The following DYM variants were observed in gnomAD, a reference collection of about 807,000 sequenced individuals.
The protein encoded by DYM is dymeclin, also known as dyggve-Melchior-Clausen syndrome protein.
DYM carries 78 observed loss-of-function variants against 93.1 expected under a neutral mutation model. That is an observed-to-expected ratio of 0.84 (90% CI 0.70 to 1.01). The LOEUF is 1.01. Among genes scored for constraint, DYM ranks in the 50% least tolerant of loss-of-function variants. The probability of loss-of-function intolerance (pLI) is 0.00; values close to 1 mark genes in which losing one functional copy is unlikely to be tolerated. For synonymous variants in DYM, 321 were observed against 319.7 expected (o/e 1.00, Z -0.04); for missense variants, 789 against 845.0 (o/e 0.93, Z 0.82).
intron 15 of DYM, among the ~76,000 whole-genome samples, chr18:49,154,212 A>T (rs2086132152): frequency 6.6e-6 from 1 of 152,284 alleles, no homozygotes; most frequent in East Asian, 1.9e-4. Context: ...GAAATTTAAT[A>T]TGGGATCCTG....
rs569231694 is a variant in DYM, at chr18:49,040,654, C to T, written c.*3401G>A. On this transcript the variant is annotated 3_prime_UTR_variant, in exon 18 of 18. Transcript: ENST00000675505. ...AGTCCCTAAAATCAAGTGGCAACTA[C>T]TGATATTGCAGGATAGTGCCTAGGA... Among the ~76,000 whole-genome samples the T allele has an allele frequency of 2.6e-5, 4 of 152,254 alleles. No individual in the cohort carries two copies. The highest frequency in any genetic ancestry group is 9.6e-5 in the African/African-American group (4 of 41,552).
chr18:49,216,650 G>C (rs2093064744), intron 13 of DYM, among the ~76,000 whole-genome samples: 1 of 152,168 alleles, frequency 6.6e-6, no homozygotes, highest in African/African-American at 2.4e-5. Context: ...ACAGGGTCTG[G>C]AGTGGACCTC....
chr18:49,183,137 T>A (rs1433462620), intron 14 of DYM, among the ~76,000 whole-genome samples: 4 of 152,244 alleles, frequency 2.6e-5, no homozygotes, highest in African/African-American at 9.6e-5. Context: ...TGTGATTTTT[T>A]AAATACAACA....
chr18:49,426,340 G>C (rs2074282772), intron 2 of DYM, among the ~76,000 whole-genome samples: 1 of 138,798 alleles, frequency 7.2e-6, no homozygotes, highest in Non-Finnish European at 1.5e-5. Context: ...GGTGGGAATT[G>C]AACAATGAAA....
rs1346047020 is a variant in DYM at position 49,039,343 on chromosome 18, T to G, written c.*4712A>C. Reference sequence around the variant, plus strand: ...CAGCAGGTCTAAAATATTATTTTTCTTTGGTCTTCAACAGTTTTACTATGA... The same window carrying G: ...CAGCAGGTCTAAAATATTATTTTTCGTTGGTCTTCAACAGTTTTACTATGA... On this transcript the variant is annotated 3_prime_UTR_variant, in exon 18 of 18. Transcript: ENST00000675505. Among the ~76,000 whole-genome samples the G allele has an allele frequency of 6.6e-6, 1 of 152,160 alleles. No homozygotes were observed. Among genetic ancestry groups the G allele is most frequent in the Admixed American group, 6.5e-5 (1 of 15,284 alleles).
chr18:49,317,675 TCC>T (rs2062109923), intron 8 of DYM, among the ~76,000 whole-genome samples: 2 of 126,376 alleles, frequency 1.6e-5, no homozygotes, highest in African/African-American at 5.9e-5. Flanking sequence ...CTTCCTTCCT[TCC>T]TTCCTTCCTT....
intron 13 of DYM, among the ~76,000 whole-genome samples, chr18:49,242,329 G>A (rs921594859): frequency 3.3e-5 from 5 of 152,158 alleles, no homozygotes; most frequent in South Asian, 2.1e-4. Context: ...CATGAAGATC[G>A]CTTGAAACTG....
At chr18:49,438,347 A>T (rs1449685964) in intron 1 of DYM, among the ~76,000 whole-genome samples, 1 of 152,088 alleles carries the variant, frequency 6.6e-6, no homozygotes, top group African/African-American at 2.4e-5. Context: ...GTTTTTTCTC[A>T]CCAAACCCTA....
In DYM at chr18:49,333,771, A is replaced by T. The variant is rs569101521; in HGVS notation, c.577T>A (p.Leu193Met). 6.2e-6 allele frequency: 10 copies of T among 1,613,964 alleles called. No homozygotes were observed. The Admixed American group carries it at 6.7e-5, about 11-fold the overall frequency. ...LSCQLFHKEV[L>M]RQSISHKYLM... ...TACTTGTGGCTGATGCTCTGTCGCA[A>T]AACTTCTTTGTGGAAGAGTTGGCAG... The change falls in exon 7 of 18, where the codon TTG becomes ATG. Residue 193 changes from leucine to methionine, a missense_variant. Leu to Met is a conservative substitution (Grantham distance 15, BLOSUM62 2). Transcript: ENST00000675505.
intron 17 of DYM, among the ~76,000 whole-genome samples, chr18:49,055,395 C>G (rs1220108324): frequency 6.6e-6 from 1 of 152,124 alleles, no homozygotes; most frequent in African/African-American, 2.4e-5. Flanking sequence ...AAGTTGCCTA[C>G]GCGTCAACTC....
chr18:49,391,390 C>G, intron 3 of DYM: 1 of 572,494 alleles, frequency 1.7e-6, no homozygotes, highest in Non-Finnish European at 3.2e-6. Context: ...ATTACCACTA[C>G]TGCAGATATA....
intron 1 of DYM, among the ~76,000 whole-genome samples, chr18:49,442,669 A>G (rs1479431625): frequency 6.6e-6 from 1 of 152,124 alleles, no homozygotes; most frequent in Non-Finnish European, 1.5e-5. Context: ...AACAGTAACA[A>G]TAATACCAAA....
chr18:49,248,294 T>A (rs1242601773), intron 13 of DYM, among the ~76,000 whole-genome samples: 1 of 152,214 alleles, frequency 6.6e-6, no homozygotes, highest in African/African-American at 2.4e-5. Flanking sequence ...GGAATCAGAA[T>A]CTTGCAATAT....
At chr18:49,328,807 A>G (rs1407490503) in intron 8 of DYM, among the ~76,000 whole-genome samples, 2 of 152,194 alleles carry the variant, frequency 1.3e-5, no homozygotes, top group Non-Finnish European at 2.9e-5. Flanking sequence ...GGATGTGGAG[A>G]AATAGGAACA....
chr18:49,216,273 C>T (rs930718829), intron 13 of DYM, among the ~76,000 whole-genome samples: 4 of 152,220 alleles, frequency 2.6e-5, no homozygotes, highest in African/African-American at 9.6e-5. Context: ...TAGAGCCCAC[C>T]ACAACTCAAG....
At chr18:49,205,718 A>G (rs1254972342) in intron 14 of DYM, among the ~76,000 whole-genome samples, 2 of 152,194 alleles carry the variant, frequency 1.3e-5, no homozygotes, top group Non-Finnish European at 2.9e-5. Context: ...CAAAAACCCA[A>G]GGGGACCTCA....
intron 15 of DYM, among the ~76,000 whole-genome samples, chr18:49,160,876 G>A (rs1294872164): frequency 6.6e-6 from 1 of 152,164 alleles, no homozygotes; most frequent in Admixed American, 6.5e-5. Context: ...TATCATGAAA[G>A]AACATACAAC....
intron 14 of DYM, among the ~76,000 whole-genome samples, chr18:49,194,326 TCACACCTACACACC>T (rs1028132008): frequency 3.9e-5 from 6 of 152,204 alleles, no homozygotes; most frequent in Admixed American, 3.3e-4. Flanking sequence ...GGAATTCTGG[TCACACCTACACACC>T]CACACCTACA....
intron 8 of DYM, among the ~76,000 whole-genome samples, chr18:49,299,352 A>G (rs915699531): frequency 2.6e-5 from 4 of 152,334 alleles, no homozygotes; most frequent in African/African-American, 9.6e-5. Flanking sequence ...ATATAAGACA[A>G]AATCGTGGCA....
Sources: gnomAD v4.1 joint callset for allele counts (sites outside exome capture counted in the v4.1 genomes callset) on GRCh38, gnomAD v4.1.1 for gene constraint, MANE v1.5 for transcripts, NCBI Gene and HGNC (gene_info 2026-07-23, HGNC 2026-07-21) for gene names.